Variants in GBP5 observed in about 807,000 individuals in gnomAD.
The protein encoded by GBP5 is guanylate-binding protein 5.
Under a neutral mutation model 58.2 loss-of-function variants are expected in GBP5, and 48 were observed. That is an observed-to-expected ratio of 0.83 (90% CI 0.65 to 1.05). The LOEUF is 1.05. Ranked by LOEUF, GBP5 falls within the 50% of genes least tolerant of loss-of-function variation. The pLI, the probability that GBP5 is intolerant of heterozygous loss-of-function variation, is 0.00. For missense variants in GBP5, 714 were observed against 686.8 expected (o/e 1.04, Z -0.44); for synonymous variants, 248 against 251.8 (o/e 0.98, Z 0.14).
rs1468284894 is a variant in GBP5, at chr1:89,260,668, A to G, written c.*36T>C. ...TCTTTTCTGTTGTGTCATCAGTGAC[A>G]AAGAGTAAAAAAAGGAAACTCCCAT... On this transcript the variant is annotated 3_prime_UTR_variant, in exon 12 of 12. Transcript: ENST00000370459. 8.0e-7 allele frequency: 1 copy of G among 1,257,550 alleles called. No homozygotes were observed. The highest frequency in any genetic ancestry group is 1.2e-6 in the Non-Finnish European group (1 of 858,150). 77.9% of individuals were successfully genotyped at this position (1,257,550 alleles called of 1,614,324 possible).
rs777932690 is a variant in GBP5 at position 89,263,799 on chromosome 1, G to A, written c.1299C>T (p.Leu433=). Residue 433 remains leucine (L), a synonymous_variant, in exon 9 of 12, where the codon CTC becomes CTT. Transcript: ENST00000370459. The part of the protein sequence containing the change: ...GIYSKPGGHN[L]FIQKTEELKA... ...TCAGTTCTTCTGTTTTCTGAATGAAGAGATTATGGCCTCCTGGCTTAGAAT... is the reference window on the plus strand; with the variant it reads ...TCAGTTCTTCTGTTTTCTGAATGAAAAGATTATGGCCTCCTGGCTTAGAAT... 3 of 1,613,792 alleles carry A rather than the reference G, an allele frequency of 1.9e-6. No homozygotes were observed. Among genetic ancestry groups the A allele is most frequent in the South Asian group, 1.1e-5 (1 of 91,052 alleles).
chr1:89,267,993 A>C (rs1232694892), intron 4 of GBP5, among the ~76,000 whole-genome samples: 1 of 152,222 alleles, frequency 6.6e-6, no homozygotes, highest in Non-Finnish European at 1.5e-5. Context: ...CTGGCAAATC[A>C]AAAACAAAGA....
intron 7 of GBP5, 139 bp downstream of exon 7, chr1:89,266,207 A>G (rs1650205583): frequency 4.1e-6 from 3 of 731,346 alleles, no homozygotes; most frequent in Non-Finnish European, 6.8e-6. Flanking sequence ...ACTGAAACTT[A>G]ATAAATATGA....
Position 89,268,776 on chromosome 1 carries a change from G to T in GBP5, c.271C>A (p.His91Asn), listed in dbSNP as rs61736217. Residue 91 changes from histidine to asparagine, a missense_variant, in exon 4 of 12, where the codon CAC (histidine) becomes AAC (asparagine). Transcript: ENST00000370459. ...WCVPHPNWPN[H>N]TLVLLDTEGL... is the part of the protein sequence containing the mutation. Reference sequence around the variant, plus strand: ...TCGGTGTCAAGCAGAACTAATGTGTGATTTGGCCAGTTGGGATGAGGCACA... The same window carrying T: ...TCGGTGTCAAGCAGAACTAATGTGTTATTTGGCCAGTTGGGATGAGGCACA... 554 of 1,614,028 alleles carry T rather than the reference G, an allele frequency of 3.4e-4. 2 individuals are homozygous for T. The African/African-American group carries it at 6.7e-3, about 19-fold the overall frequency.
chr1:89,258,003 A>G lies in GBP5; in HGVS notation c.*2701T>C, dbSNP rs1268327011. Among the ~76,000 whole-genome samples, 1 of 152,222 alleles carries G rather than the reference A, an allele frequency of 6.6e-6. No individual in the cohort carries two copies. The highest frequency in any genetic ancestry group is 6.5e-5 in the Admixed American group (1 of 15,284). On this transcript the variant is annotated 3_prime_UTR_variant, in exon 12 of 12. Transcript: ENST00000370459. ...AACAGTAAGACAAAGAAAGTCAGAAAATATAAGCTACTTACTGGTAGTTTC... is the reference window on the plus strand; with the variant it reads ...AACAGTAAGACAAAGAAAGTCAGAAGATATAAGCTACTTACTGGTAGTTTC...
intron 2 of GBP5, 31 bp from the exon 3 acceptor site, chr1:89,269,605 T>C: frequency 6.8e-7 from 1 of 1,460,624 alleles, no homozygotes; most frequent in South Asian, 1.2e-5. Context: ...TAGGCTGGAA[T>C]TTCTGGTGTT....
chr1:89,267,395 A>C (rs1650264297), intron 5 of GBP5, 22 bp downstream of exon 5: 1 of 1,537,146 alleles, frequency 6.5e-7, no homozygotes, highest in East Asian at 2.2e-5. Flanking sequence ...CTTTGGTGCC[A>C]TCCCATACCA....
chr1:89,267,330 G>A, intron 5 of GBP5, 87 bp downstream of exon 5: 3 of 1,077,080 alleles, frequency 2.8e-6, no homozygotes, highest in Non-Finnish European at 4.2e-6. Flanking sequence ...TTCCATTTTT[G>A]TGATTCACAA....
chr1:89,264,520 AT>A (rs1324258937), intron 8 of GBP5, among the ~76,000 whole-genome samples, 165 bp downstream of exon 8: 18 of 152,364 alleles, frequency 1.2e-4, no homozygotes, highest in African/African-American at 4.3e-4. Context: ...GTCCAGAGTA[AT>A]TACATGTTTG....
intron 6 of GBP5, among the ~76,000 whole-genome samples, 159 bp downstream of exon 6, chr1:89,266,798 C>T (rs948940492): frequency 3.3e-5 from 5 of 151,934 alleles, no homozygotes; most frequent in Admixed American, 6.6e-5. Context: ...ATTGAATCTA[C>T]TTGTTCATTA....
intron 11 of GBP5, 101 bp downstream of exon 11, chr1:89,262,119 C>T (rs2100716498): frequency 8.7e-7 from 1 of 1,155,032 alleles, no homozygotes; most frequent in Non-Finnish European, 1.3e-6. Flanking sequence ...GCTCCAGACT[C>T]CCTGCTGAGA....
rs1283131523 is a variant in GBP5 at position 89,258,173 on chromosome 1, G to A, written c.*2531C>T. Among the ~76,000 whole-genome samples the A allele has an allele frequency of 6.6e-6, 1 of 152,142 alleles. No homozygotes were observed. Among genetic ancestry groups the A allele is most frequent in the Admixed American group, 6.5e-5 (1 of 15,270 alleles). On this transcript the variant is annotated 3_prime_UTR_variant, in exon 12 of 12. Transcript: ENST00000370459. ...GGAAGAATATCTGTGGATCACTAAT[G>A]AAAGCAGCATGCCTCTCTGGTTTTT...
intron 4 of GBP5, among the ~76,000 whole-genome samples, chr1:89,268,103 T>C (rs1295349086): frequency 6.6e-6 from 1 of 152,242 alleles, no homozygotes; most frequent in Non-Finnish European, 1.5e-5. Flanking sequence ...GCAAATTGTG[T>C]GCATGTCTTC....
Position 89,258,339 on chromosome 1 carries a change from A to G in GBP5, c.*2365T>C, listed in dbSNP as rs1649859461. Among the ~76,000 whole-genome samples, 1 of 152,212 alleles carries G rather than the reference A, an allele frequency of 6.6e-6. No individual in the cohort carries two copies. Among genetic ancestry groups the G allele is most frequent in the Non-Finnish European group, 1.5e-5 (1 of 68,028 alleles). On this transcript the variant is annotated 3_prime_UTR_variant, in exon 12 of 12. Transcript: ENST00000370459. ...CTCAGGATTTTAAAAAATTTCTTTAAGATGGGTAATAAAGATATCAATATT... is the reference window on the plus strand; with the variant it reads ...CTCAGGATTTTAAAAAATTTCTTTAGGATGGGTAATAAAGATATCAATATT...
rs1030070672 is a variant in GBP5, at chr1:89,259,355, T to C, written c.*1349A>G. Reference sequence around the variant, plus strand: ...CCTTTCATCTTCTGAAGAATCTCTATTTTATTATAACATTATTGGCTTTCA... The same window carrying C: ...CCTTTCATCTTCTGAAGAATCTCTACTTTATTATAACATTATTGGCTTTCA... On this transcript the variant is annotated 3_prime_UTR_variant, in exon 12 of 12. Transcript: ENST00000370459. 1.3e-5 allele frequency: 2 copies of C among 152,220 alleles called. No homozygotes were observed. Among genetic ancestry groups the C allele is most frequent in the Non-Finnish European group, 2.9e-5 (2 of 68,048 alleles). 9.4% of individuals were successfully genotyped at this position (152,220 alleles called of 1,614,324 possible). A position where few individuals can be genotyped will look rare whatever the true frequency, so the allele number is the denominator to read the frequency against.
Position 89,260,681 on chromosome 1 carries a change from A to G in GBP5, c.*23T>C. The stretch of plus-strand genomic sequence containing the variant: ...GTCATCAGTGACAAAGAGTAAAAAA[A>G]GGAAACTCCCATATTTAGCACTTTA... On this transcript the variant is annotated 3_prime_UTR_variant, in exon 12 of 12. Transcript: ENST00000370459. The G allele has an allele frequency of 6.9e-7, 1 of 1,447,866 alleles. No individual in the cohort carries two copies. The allele number at this position is 1,447,866 out of a possible 1,614,324, so 89.7% of individuals were successfully genotyped here. A position where few individuals can be genotyped will look rare whatever the true frequency, so the allele number is the denominator to read the frequency against.
rs1388798625 is a variant in GBP5, at chr1:89,256,430, G to A, written c.*4274C>T. 6.6e-6 allele frequency among the ~76,000 whole-genome samples: 1 copy of A among 152,176 alleles called. No homozygotes were observed. On this transcript the variant is annotated 3_prime_UTR_variant, in exon 12 of 12. Coordinates refer to ENST00000370459, the MANE Select transcript of GBP5 (RefSeq NM_052942.5). Reference sequence around the variant, plus strand: ...AGAATTTTAGTAATGCTGAATGTATGTACCTGGGTTGTTACTTGTGCGTTC... The same window carrying A: ...AGAATTTTAGTAATGCTGAATGTATATACCTGGGTTGTTACTTGTGCGTTC...
intron 4 of GBP5, among the ~76,000 whole-genome samples, chr1:89,268,375 T>C (rs1650307948): frequency 6.6e-6 from 1 of 152,216 alleles, no homozygotes; most frequent in South Asian, 2.1e-4. Flanking sequence ...GTCAGAAAGC[T>C]ACAAGTGCTA....
At position 89,266,978 on chromosome 1, in the gene GBP5, T is replaced by A. The variant is rs749430765; in HGVS notation, c.604A>T (p.Asn202Tyr). The change falls in exon 6 of 12, where the codon AAT (asparagine) becomes TAT (tyrosine). Residue 202 changes from asparagine (N) to tyrosine (Y), a missense_variant. Transcript: ENST00000370459. ...TTACCTTGCTTTGGCCTTAGGGAAT[T>A]CTCCAGGTATTCATCTGGTGTGACA... ...QLVTPDEYLE[N>Y]SLRPKQGSDQ... 1 of 1,605,274 alleles carries A rather than the reference T, an allele frequency of 6.2e-7. No homozygotes were observed. The highest frequency in any genetic ancestry group is 8.5e-7 in the Non-Finnish European group (1 of 1,177,970).
Sources: gnomAD v4.1 joint callset for allele counts (sites outside exome capture counted in the v4.1 genomes callset) on GRCh38, gnomAD v4.1.1 for gene constraint, MANE v1.5 for transcripts, NCBI Gene and HGNC (gene_info 2026-07-23, HGNC 2026-07-21) for gene names.